The following HDAC9 variants were observed in gnomAD, a reference collection of about 807,000 sequenced individuals.
The protein encoded by HDAC9 is histone deacetylase 9.
A neutral mutation model predicts 139.4 loss-of-function variants in HDAC9; 41 were observed. The observed-to-expected ratio is 0.29, with a 90% CI of 0.23 to 0.38. The LOEUF (loss-of-function observed/expected upper bound fraction) is 0.38, where lower values mean the gene tolerates loss of function less well. Among genes scored for constraint, HDAC9 ranks in the 10% least tolerant of loss-of-function variants. HDAC9 has a pLI of 1.00. For synonymous variants in HDAC9, 517 were observed against 476.2 expected (o/e 1.09, Z -1.12); for missense variants, 1,147 against 1,297.0 (o/e 0.88, Z 1.78).
rs557566884 is a variant in HDAC9, at chr7:18,169,842, C to G, written c.25+7493C>G. Among the ~76,000 whole-genome samples the G allele has an allele frequency of 9.2e-5, 14 of 152,312 alleles. 1 individual carries two copies. The South Asian group carries it at 2.9e-3, about 32-fold the overall frequency. On this transcript the variant is annotated intron_variant, in intron 2 of 12. Transcript: ENST00000417496. ...CCATGGTGTATATTTGCCACATTTTCTTAATCCAGTCTATCATTGATGGAC... is the reference window on the plus strand; with the variant it reads ...CCATGGTGTATATTTGCCACATTTTGTTAATCCAGTCTATCATTGATGGAC...
At chr7:18,773,070 G>A (rs10248443) in intron 16 of HDAC9, among the ~76,000 whole-genome samples, 11,249 of 151,986 alleles carry the variant, frequency 0.074, 635 homozygotes, top group African/African-American at 0.15. Context: ...TCCATTGCAG[G>A]AAAGAAGAAA....
At chr7:18,658,899 C>CAAAAAAAAAAAAAAACAAA (rs11306117) in intron 11 of HDAC9, among the ~76,000 whole-genome samples, 1 of 118,158 alleles carries the variant, frequency 8.5e-6, no homozygotes, top group African/African-American at 2.8e-5. Context: ...AAAAAAAAAG[C>CAAAAAAAAAAAAAAACAAA]AAAAAAAAAA....
intron 2 of HDAC9, among the ~76,000 whole-genome samples, chr7:18,222,652 C>T (rs942058890): frequency 7.2e-5 from 11 of 152,002 alleles, no homozygotes; most frequent in Admixed American, 7.2e-4. Flanking sequence ...CAAATGTAAA[C>T]CTCTATTGCT....
chr7:18,794,188 C>A (rs1792577611), intron 17 of HDAC9, among the ~76,000 whole-genome samples: 1 of 152,156 alleles, frequency 6.6e-6, no homozygotes, highest in Non-Finnish European at 1.5e-5. Flanking sequence ...GCTAACACGG[C>A]CTTTTAATGC....
chr7:18,366,423 C>G (rs373597206), intron 1 of HDAC9, among the ~76,000 whole-genome samples: 1 of 152,088 alleles, frequency 6.6e-6, no homozygotes, highest in Non-Finnish European at 1.5e-5. Flanking sequence ...GAATTTGCAC[C>G]GGTAGAATTT....
Position 18,495,923 on chromosome 7 carries a change from C to A in HDAC9, c.-142C>A. ...CTACGTATTCTGACAAAGAAATAACCCCGAAGCACGTTCCTATTTCCCACC... is the reference window on the plus strand; with the variant it reads ...CTACGTATTCTGACAAAGAAATAACACCGAAGCACGTTCCTATTTCCCACC... On this transcript the variant is annotated 5_prime_UTR_variant, in exon 1 of 26. Coordinates refer to ENST00000686413, the MANE Select transcript of HDAC9 (RefSeq NM_178425.4). 8.2e-7 allele frequency: 1 copy of A among 1,225,208 alleles called. No individual in the cohort carries two copies. The highest frequency in any genetic ancestry group is 1.0e-6 in the Non-Finnish European group (1 of 983,572). The allele number at this position is 1,225,208 out of a possible 1,614,324, so 75.9% of individuals were successfully genotyped here.
At chr7:18,281,055 CTT>C (rs1797073331) in intron 2 of HDAC9, among the ~76,000 whole-genome samples, 1 of 152,164 alleles carries the variant, frequency 6.6e-6, no homozygotes, top group South Asian at 2.1e-4. Context: ...CTCCTTGACA[CTT>C]TACTTTTGGG....
chr7:18,208,741 A>G (rs570893443), intron 2 of HDAC9, among the ~76,000 whole-genome samples: 4 of 152,290 alleles, frequency 2.6e-5, no homozygotes, highest in Admixed American at 2.6e-4. Flanking sequence ...TTTAAAAAAA[A>G]ATTTTATCTA....
chr7:18,560,584 G>C (rs1445292669), intron 2 of HDAC9, among the ~76,000 whole-genome samples: 1 of 152,178 alleles, frequency 6.6e-6, no homozygotes, highest in Non-Finnish European at 1.5e-5. Context: ...CTTCACTACA[G>C]TGTAGTGGAA....
intron 1 of HDAC9, among the ~76,000 whole-genome samples, chr7:18,470,873 T>G (rs1267045717): frequency 6.6e-6 from 1 of 152,078 alleles, no homozygotes; most frequent in Non-Finnish European, 1.5e-5. Flanking sequence ...TTGCATATAT[T>G]ATTAATATTA....
intron 25 of HDAC9, among the ~76,000 whole-genome samples, chr7:18,994,250 A>T (rs1786269821): frequency 6.6e-6 from 1 of 152,196 alleles, no homozygotes; most frequent in Non-Finnish European, 1.5e-5. Context: ...AAATTGGAAA[A>T]ATCGGTCTCC....
At chr7:18,406,825 C>G (rs1454595531) in intron 1 of HDAC9, among the ~76,000 whole-genome samples, 3 of 151,488 alleles carry the variant, frequency 2.0e-5, no homozygotes, top group African/African-American at 7.3e-5. Flanking sequence ...TTTTTTTTCT[C>G]TCTTTTTCTA....
intron 21 of HDAC9, among the ~76,000 whole-genome samples, chr7:18,856,975 C>A (rs1298971539): frequency 6.6e-6 from 1 of 152,150 alleles, no homozygotes; most frequent in African/African-American, 2.4e-5. Flanking sequence ...GTTATTCAGT[C>A]TGTTCATATA....
At chr7:18,976,599 CA>C (rs1277803582) in intron 25 of HDAC9, among the ~76,000 whole-genome samples, 3 of 152,162 alleles carry the variant, frequency 2.0e-5, no homozygotes, top group African/African-American at 7.2e-5. Context: ...AGAAAAAATA[CA>C]GTGAAACTAA....
At chr7:18,541,068 C>A (rs902209890) in intron 2 of HDAC9, among the ~76,000 whole-genome samples, 5 of 148,700 alleles carry the variant, frequency 3.4e-5, no homozygotes, top group African/African-American at 1.2e-4. Flanking sequence ...AAATACATGG[C>A]ATCTATAGTG....
intron 22 of HDAC9, among the ~76,000 whole-genome samples, chr7:18,905,285 A>G (rs548997376): frequency 8.1e-4 from 123 of 152,348 alleles, no homozygotes; most frequent in African/African-American, 2.8e-3. Context: ...TGGCCTTGCC[A>G]TATATCTCTT....
rs556039969 is a variant in HDAC9, at chr7:18,638,096, C to T, written c.912+3354C>T. Among the ~76,000 whole-genome samples the T allele has an allele frequency of 8.6e-5, 13 of 152,046 alleles. No individual in the cohort carries two copies. In the South Asian group the frequency reaches 2.7e-3, roughly 32 times the overall value. The stretch of plus-strand genomic sequence containing the variant: ...CTAAAAAAATGGTTGCATACTTTAC[C>T]GTTTACAAAATTGGCTTATTTTACT... On this transcript the variant is annotated intron_variant, in intron 8 of 25. Coordinates refer to ENST00000686413, the MANE Select transcript of HDAC9 (RefSeq NM_178425.4).
chr7:18,577,790 A>G (rs1200245049), intron 2 of HDAC9, among the ~76,000 whole-genome samples: 1 of 152,162 alleles, frequency 6.6e-6, no homozygotes, highest in Admixed American at 6.6e-5. Flanking sequence ...TAGCCCCCCA[A>G]AAAGGTAGCA....
At chr7:18,217,426 G>C (rs1407011168) in intron 2 of HDAC9, among the ~76,000 whole-genome samples, 2 of 149,466 alleles carry the variant, frequency 1.3e-5, no homozygotes, top group African/African-American at 4.9e-5. Flanking sequence ...TTTTCCTCTT[G>C]CTTTCCTTAG....
Sources: gnomAD v4.1 joint callset for allele counts (sites outside exome capture counted in the v4.1 genomes callset) on GRCh38, gnomAD v4.1.1 for gene constraint, MANE v1.5 for transcripts, NCBI Gene and HGNC (gene_info 2026-07-23, HGNC 2026-07-21) for gene names.